Variants in DLG4 observed in about 807,000 individuals in gnomAD.
The protein encoded by DLG4 is disks large homolog 4.
A neutral mutation model predicts 93.8 loss-of-function variants in DLG4; 7 were observed. The ratio of observed to expected loss-of-function variants is 0.07; its 90% CI spans 0.04 to 0.14. The LOEUF is 0.14. Among genes scored for constraint, DLG4 ranks in the 10% least tolerant of loss-of-function variants. The probability of loss-of-function intolerance (pLI) is 1.00; values close to 1 mark genes in which losing one functional copy is unlikely to be tolerated. For synonymous variants in DLG4, 341 were observed against 387.6 expected, an observed-to-expected ratio of 0.88 and a Z score of 1.41; for missense variants, 545 against 992.9, an observed-to-expected ratio of 0.55 and a Z score of 6.06.
At chr17:7,204,917 A>G (rs905367855) in intron 2 of DLG4, 2 of 980,912 alleles carry the variant, frequency 2.0e-6, no homozygotes, top group African/African-American at 3.5e-5. Context: ...AACGGTATCT[A>G]GGACCAGTCA....
intron 8 of DLG4, among the ~76,000 whole-genome samples, chr17:7,201,595 C>G (rs184246936): frequency 7.9e-5 from 12 of 152,060 alleles, no homozygotes; most frequent in East Asian, 7.7e-4. Context: ...TGTAAGTTAA[C>G]GGAGGCCGGG....
At chr17:7,199,695 T>C (rs1459642037) in intron 8 of DLG4, among the ~76,000 whole-genome samples, 1 of 151,590 alleles carries the variant, frequency 6.6e-6, no homozygotes, top group African/African-American at 2.4e-5. Context: ...AGATTTTAAA[T>C]TGGCTGGGCA....
chr17:7,193,220 G>A lies in DLG4; in HGVS notation c.1694-103C>T. On this transcript the variant is annotated intron_variant, in intron 16 of 19. Coordinates refer to ENST00000399506, the MANE Select transcript of DLG4 (RefSeq NM_001321075.3). This position sits in a 1 kb window ranked among gnomAD's most constrained non-coding sequence, Gnocchi z 6.7. ...CCCCATAGTGCCCAGCTGGTCCTTTGGTGAAAGGGAGCTGCCAGGGAGACC... is the reference window on the plus strand; with the variant it reads ...CCCCATAGTGCCCAGCTGGTCCTTTAGTGAAAGGGAGCTGCCAGGGAGACC... 3 of 1,509,282 alleles carry A rather than the reference G, an allele frequency of 2.0e-6. No homozygotes were observed. Among genetic ancestry groups the A allele is most frequent in the Non-Finnish European group, 2.7e-6 (3 of 1,106,558 alleles). 93.5% of individuals were successfully genotyped at this position (1,509,282 alleles called of 1,614,324 possible). A position where few individuals can be genotyped will look rare whatever the true frequency, so the allele number is the denominator to read the frequency against.
chr17:7,196,459 T>G lies in DLG4; in HGVS notation c.1186+14A>C. ...CATTTCAGCTCACAAGACAAGGAACTTCCGGCCTGGTACCTTCTGGTTTAT... is the reference window on the plus strand; with the variant it reads ...CATTTCAGCTCACAAGACAAGGAACGTCCGGCCTGGTACCTTCTGGTTTAT... On this transcript the variant is annotated intron_variant, in intron 10 of 19. Coordinates refer to ENST00000399506, the MANE Select transcript of DLG4 (RefSeq NM_001321075.3). The surrounding 1 kb of genome is among the most constrained non-coding windows in gnomAD (Gnocchi z 8.3). 6.2e-7 allele frequency: 1 copy of G among 1,613,812 alleles called. No homozygotes were observed. Among genetic ancestry groups the G allele is most frequent in the Non-Finnish European group, 8.5e-7 (1 of 1,179,694 alleles).
chr17:7,213,091 C>CTTTT (rs1567551398), intron 1 of DLG4, among the ~76,000 whole-genome samples: 7 of 99,556 alleles, frequency 7.0e-5, no homozygotes, highest in South Asian at 3.4e-4. Flanking sequence ...TTCTTTCTTT[C>CTTTT]TTTCTTTTTT....
chr17:7,203,199 G>A lies in DLG4; in HGVS notation c.636C>T (p.Ile212=). Reference sequence around the variant, plus strand: ...GGCTAGATGGAGTCCTCACCGCCAGGATCTTGTCTCCAATCTGCAACCTCC... The same window carrying A: ...GGCTAGATGGAGTCCTCACCGCCAGAATCTTGTCTCCAATCTGCAACCTCC... ...KDGRLQIGDK[I]LAVNSVGLED... is the part of the protein sequence containing the mutation. The change falls in exon 7 of 20, where the codon ATC becomes ATT. Residue 212 remains isoleucine (I), a synonymous_variant. Transcript: ENST00000399506. This position sits in a 1 kb window ranked among gnomAD's most constrained non-coding sequence, Gnocchi z 7.2. 1 of 1,599,342 alleles carries A rather than the reference G, an allele frequency of 6.3e-7. No homozygotes were observed. Among genetic ancestry groups the A allele is most frequent in the South Asian group, 1.1e-5 (1 of 90,150 alleles).
chr17:7,207,968 G>C, intron 2 of DLG4: 19 of 787,278 alleles, frequency 2.4e-5, no homozygotes, highest in Non-Finnish European at 2.6e-5. Context: ...CCCAGTCCCA[G>C]CATCCCCCTC....
rs1310129961 is a variant in DLG4 at position 7,189,363 on chromosome 17, T to C, written c.*1345A>G. 6.7e-6 allele frequency among the ~76,000 whole-genome samples: 1 copy of C among 149,466 alleles called. No homozygotes were observed. The highest frequency in any genetic ancestry group is 1.5e-5 in the Non-Finnish European group (1 of 67,356). On this transcript the variant is annotated 3_prime_UTR_variant, in exon 20 of 20. Coordinates refer to ENST00000399506, the MANE Select transcript of DLG4 (RefSeq NM_001321075.3). Reference sequence around the variant, plus strand: ...AATTAGCCAGGCATGGTGGCAGTAATCTGTAATCCCAGCTACTCAGGGGGC... The same window carrying C: ...AATTAGCCAGGCATGGTGGCAGTAACCTGTAATCCCAGCTACTCAGGGGGC...
chr17:7,196,586 G>T lies in DLG4; in HGVS notation c.1084-11C>A. ...GTCCACACCGTTGACCTAGAGAGAG[G>T]ACGACAGGCTGTGTCACCAGAGACA... On this transcript the variant is annotated splice_polypyrimidine_tract_variant and intron_variant, in intron 9 of 19. Transcript: ENST00000399506. This position sits in a 1 kb window ranked among gnomAD's most constrained non-coding sequence, Gnocchi z 8.3. The T allele has an allele frequency of 6.2e-7, 1 of 1,613,746 alleles. No homozygotes were observed. The highest frequency in any genetic ancestry group is 2.2e-5 in the East Asian group (1 of 44,878).
chr17:7,190,369 T>G lies in DLG4; in HGVS notation c.*339A>C. On this transcript the variant is annotated 3_prime_UTR_variant, in exon 20 of 20. Coordinates refer to ENST00000399506, the MANE Select transcript of DLG4 (RefSeq NM_001321075.3). ...CGAGGGGGCCCTGACTTCTGGAATG[T>G]GTGTGGGAGAGGATGGGGGAGGGCA... 1 of 330,518 alleles carries G rather than the reference T, an allele frequency of 3.0e-6. No homozygotes were observed. Among genetic ancestry groups the G allele is most frequent in the Non-Finnish European group, 5.8e-6 (1 of 172,600 alleles). The allele number at this position is 330,518 out of a possible 1,614,324, so 20.5% of individuals were successfully genotyped here.
chr17:7,208,122 C>T lies in DLG4; in HGVS notation c.96+52G>A. 1 of 1,320,292 alleles carries T rather than the reference C, an allele frequency of 7.6e-7. No individual in the cohort carries two copies. The highest frequency in any genetic ancestry group is 9.8e-7 in the Non-Finnish European group (1 of 1,025,034). The allele number at this position is 1,320,292 out of a possible 1,614,324, so 81.8% of individuals were successfully genotyped here. A position where few individuals can be genotyped will look rare whatever the true frequency, so the allele number is the denominator to read the frequency against. ...TGGCCCACGACCCCGTGGCCAGCCTCGAGGTGGGACAAGTTCCTCTCCGCC... is the reference window on the plus strand; with the variant it reads ...TGGCCCACGACCCCGTGGCCAGCCTTGAGGTGGGACAAGTTCCTCTCCGCC... On this transcript the variant is annotated intron_variant, in intron 2 of 19. Coordinates refer to ENST00000399506, the MANE Select transcript of DLG4 (RefSeq NM_001321075.3). The surrounding 1 kb of genome is among the most constrained non-coding windows in gnomAD (Gnocchi z 5.4).
chr17:7,210,477 A>G (rs939135021), intron 1 of DLG4, among the ~76,000 whole-genome samples: 6 of 152,222 alleles, frequency 3.9e-5, no homozygotes, highest in African/African-American at 1.4e-4. Context: ...AGAGAAGGAA[A>G]ATAGGAGAAC....
chr17:7,200,147 T>C (rs2070044278), intron 8 of DLG4, among the ~76,000 whole-genome samples: 1 of 152,242 alleles, frequency 6.6e-6, no homozygotes, highest in African/African-American at 2.4e-5. Flanking sequence ...CACCTCATTA[T>C]TTGTTTCCAA....
At position 7,191,895 on chromosome 17, in the gene DLG4, C is replaced by T. The variant is rs759932966; in HGVS notation, c.1974G>A (p.Val658=). 43 of 1,464,040 alleles carry T rather than the reference C, an allele frequency of 2.9e-5. No individual in the cohort carries two copies. The Admixed American group carries it at 1.0e-3, about 35-fold the overall frequency. 90.7% of individuals were successfully genotyped at this position (1,464,040 alleles called of 1,614,324 possible). The change falls in exon 18 of 20, where the codon GTG becomes GTA. Residue 658 remains valine (V), a splice_region_variant and synonymous_variant. Transcript: ENST00000399506. This position sits in a 1 kb window ranked among gnomAD's most constrained non-coding sequence, Gnocchi z 6.6. ...IFIRPRSLEN[V]LEINKRITEE... ...GAGGCCCCCAGGACCATACTCACAG[C>T]ACATTCTCCAGGGAGCGGGGGCGGA...
chr17:7,196,258 C>T lies in DLG4; in HGVS notation c.1263G>A (p.Ala421=), dbSNP rs1409839485. The part of the protein sequence containing the change: ...LMNSSLGSGT[A]SLRSNPKRGF... ...CCCTTTTGGGGTTGCTCCGCAGGGA[C>T]GCAGTCCCTGAGCCCAGGCTGCTGT... The change falls in exon 11 of 20, where the codon GCG becomes GCA. Residue 421 remains alanine, a synonymous_variant. Transcript: ENST00000399506. This position sits in a 1 kb window ranked among gnomAD's most constrained non-coding sequence, Gnocchi z 8.3. The T allele has an allele frequency of 3.7e-6, 6 of 1,613,986 alleles. No homozygotes were observed. Among genetic ancestry groups the T allele is most frequent in the Admixed American group, 1.7e-5 (1 of 60,030 alleles).
At chr17:7,219,763 G>A, upstream of DLG4, 1 of 1,480,348 alleles carries the variant, frequency 6.8e-7, no homozygotes, top group Non-Finnish European at 9.0e-7. Context: ...GGATTAAGGA[G>A]TTTGGGGGAG....
intron 2 of DLG4, chr17:7,205,146 C>G: frequency 1.0e-6 from 1 of 985,576 alleles, no homozygotes; most frequent in Non-Finnish European, 1.2e-6. Flanking sequence ...CCTCGCTCCC[C>G]TACGCCCCTC....
At chr17:7,217,677 G>A (rs865967826), upstream of DLG4, 5 of 1,490,238 alleles carry the variant, frequency 3.4e-6, no homozygotes, top group Middle Eastern at 9.6e-4. Flanking sequence ...CAGAATGGGG[G>A]GGGTGCCTTG....
chr17:7,210,253 G>A (rs180756574), intron 1 of DLG4, among the ~76,000 whole-genome samples: 1 of 152,266 alleles, frequency 6.6e-6, no homozygotes, highest in Admixed American at 6.5e-5. Flanking sequence ...TAGAGTAAGG[G>A]TACAGTAAGA....
Sources: allele counts gnomAD v4.1 joint callset (sites outside exome capture counted in the v4.1 genomes callset), GRCh38; gene constraint gnomAD v4.1.1; non-coding constraint Gnocchi (gnomAD v3.1); transcripts MANE v1.5; gene names NCBI Gene and HGNC (gene_info 2026-07-23, HGNC 2026-07-21).